The following SLC6A15 variants were observed in gnomAD, a reference collection of about 807,000 sequenced individuals.
SLC6A15 encodes the protein sodium-dependent neutral amino acid transporter B(0)AT2.
SLC6A15 carries 33 observed loss-of-function variants against 68.5 expected under a neutral mutation model. The observed-to-expected ratio is 0.48, with a 90% CI of 0.37 to 0.64. The LOEUF is 0.64. Ranked by LOEUF, SLC6A15 falls within the 30% of genes least tolerant of loss-of-function variation. The pLI is 0.00. For synonymous variants in SLC6A15, 347 were observed against 301.0 expected (o/e 1.15, Z -1.58); for missense variants, 747 against 874.3 (o/e 0.85, Z 1.84).
chr12:84,889,533 T>TAAAAATAAAAATA (rs1555181976), intron 2 of SLC6A15, among the ~76,000 whole-genome samples: 1 of 150,796 alleles, frequency 6.6e-6, no homozygotes, highest in Non-Finnish European at 1.5e-5. Flanking sequence ...AAAATAAAAA[T>TAAAAATAAAAATA]AAAAAAAACA....
chr12:84,903,690 T>C (rs1353587771), intron 1 of SLC6A15, among the ~76,000 whole-genome samples: 1 of 152,132 alleles, frequency 6.6e-6, no homozygotes, highest in African/African-American at 2.4e-5. Context: ...TACTTCCTTC[T>C]ACTTCAGTCT....
intron 1 of SLC6A15, among the ~76,000 whole-genome samples, chr12:84,900,386 C>G (rs1872807073): frequency 6.6e-6 from 1 of 151,948 alleles, no homozygotes; most frequent in Admixed American, 6.6e-5. Flanking sequence ...CTTACATAAT[C>G]ATGTCATCAG....
intron 1 of SLC6A15, among the ~76,000 whole-genome samples, chr12:84,899,556 C>T (rs1393118625): frequency 1.3e-5 from 2 of 152,088 alleles, no homozygotes; most frequent in Non-Finnish European, 2.9e-5. Context: ...CCAAGCATCC[C>T]ATTGTTTCTT....
chr12:84,884,539 C>T (rs567974901), intron 4 of SLC6A15, among the ~76,000 whole-genome samples: 3 of 152,208 alleles, frequency 2.0e-5, no homozygotes, highest in African/African-American at 7.2e-5. Flanking sequence ...CTCCTGACCT[C>T]AGGGGCTCTA....
At chr12:84,877,105 G>A (rs986894468) in intron 5 of SLC6A15, among the ~76,000 whole-genome samples, 3 of 152,004 alleles carry the variant, frequency 2.0e-5, no homozygotes, top group African/African-American at 7.3e-5. Context: ...TTTACTTTCC[G>A]CTTCAGCAAT....
intron 2 of SLC6A15, 25 bp downstream of exon 2, chr12:84,891,807 T>G (rs1310571178): frequency 1.3e-6 from 2 of 1,582,552 alleles, no homozygotes; most frequent in Non-Finnish European, 1.7e-6. Context: ...ACTACAGTAA[T>G]TTATCACTTA....
In SLC6A15 at chr12:84,885,466, C is replaced by T. The variant is rs140062203; in HGVS notation, c.543G>A (p.Gln181=). Residue 181 remains glutamine (Q), a synonymous_variant, in exon 4 of 12, where the codon CAG becomes CAA. Coordinates refer to ENST00000266682, the MANE Select transcript of SLC6A15 (RefSeq NM_182767.6). ...GTGAAGCATTTTTCACCAAAGGACA[C>T]TGATCCCAAGGCAGGGGTTGCTGAA... ...QSFQQPLPWD[Q]CPLVKNASHT... 1.9e-6 allele frequency: 3 copies of T among 1,613,420 alleles called. No individual in the cohort carries two copies. The highest frequency in any genetic ancestry group is 2.5e-6 in the Non-Finnish European group (3 of 1,179,638).
chr12:84,897,191 C>T (rs369759677), intron 1 of SLC6A15, among the ~76,000 whole-genome samples: 9 of 151,452 alleles, frequency 5.9e-5, no homozygotes, highest in South Asian at 4.2e-4. Context: ...GGAGCAAGAC[C>T]GTGTCTCAAA....
Position 84,861,580 on chromosome 12 carries a change from A to T in SLC6A15, c.*52T>A. The T allele has an allele frequency of 6.5e-7, 1 of 1,540,416 alleles. No homozygotes were observed. Reference sequence around the variant, plus strand: ...GCCTAATGCTTCTCCTACTAGGGCCAATGTTCATTGGTAAAAATGAACCAA... The same window carrying T: ...GCCTAATGCTTCTCCTACTAGGGCCTATGTTCATTGGTAAAAATGAACCAA... On this transcript the variant is annotated 3_prime_UTR_variant, in exon 12 of 12. Coordinates refer to ENST00000266682, the MANE Select transcript of SLC6A15 (RefSeq NM_182767.6).
chr12:84,884,148 AC>A (rs1871967921), intron 4 of SLC6A15, 108 bp from the exon 5 acceptor site: 1 of 848,252 alleles, frequency 1.2e-6, no homozygotes, highest in Admixed American at 2.4e-5. Flanking sequence ...CTAGAAAAGT[AC>A]TACCATTGTA....
intron 1 of SLC6A15, among the ~76,000 whole-genome samples, chr12:84,901,526 A>C (rs1048809751): frequency 4.6e-5 from 7 of 151,796 alleles, no homozygotes; most frequent in Non-Finnish European, 8.9e-5. Flanking sequence ...TATGTTCACT[A>C]AAAAATTAAC....
At position 84,888,691 on chromosome 12, in the gene SLC6A15, A is replaced by C. The variant is rs539952601; in HGVS notation, c.290-2623T>G. On this transcript the variant is annotated intron_variant, in intron 2 of 11. Coordinates refer to ENST00000266682, the MANE Select transcript of SLC6A15 (RefSeq NM_182767.6). ...ATGCTACTTGGGTGAGGGGTACATT[A>C]AAATCTCTGAATTCACCACTATATA... Among the ~76,000 whole-genome samples, 8 of 152,326 alleles carry C rather than the reference A, an allele frequency of 5.3e-5. No homozygotes were observed. In the South Asian group the frequency reaches 1.7e-3, roughly 32 times the overall value.
chr12:84,873,417 C>T lies in SLC6A15; in HGVS notation c.868-89G>A. 4 of 1,438,332 alleles carry T rather than the reference C, an allele frequency of 2.8e-6. No individual in the cohort carries two copies. The South Asian group carries it at 4.1e-5, about 15-fold the overall frequency. 89.1% of individuals were successfully genotyped at this position (1,438,332 alleles called of 1,614,324 possible). On this transcript the variant is annotated intron_variant, in intron 6 of 11. Coordinates refer to ENST00000266682, the MANE Select transcript of SLC6A15 (RefSeq NM_182767.6). ...TGGAATTTACTGTTTATGGAGTATA[C>T]AATGATATTTATGCATCCAAAGTTT...
intron 10 of SLC6A15, 93 bp from the exon 11 acceptor site, chr12:84,863,694 C>A: frequency 1.2e-6 from 1 of 856,298 alleles, no homozygotes. Context: ...CAAACATTTA[C>A]CATTGATACC....
rs74589188 is a variant in SLC6A15, at chr12:84,904,135, G to A, written c.-189+8388C>T. The stretch of plus-strand genomic sequence containing the variant: ...TCTGCTTTCCCTCTTTTGGAAGCTA[G>A]GCACCATGTAAAACGTCTGCTTCTC... On this transcript the variant is annotated intron_variant, in intron 1 of 11. Transcript: ENST00000266682. 3.0e-4 allele frequency among the ~76,000 whole-genome samples: 46 copies of A among 150,846 alleles called. No individual in the cohort carries two copies. The East Asian group carries it at 6.7e-3, about 22-fold the overall frequency.
intron 7 of SLC6A15, 135 bp from the exon 8 acceptor site, chr12:84,872,929 A>G: frequency 1.7e-6 from 2 of 1,194,096 alleles, no homozygotes; most frequent in Admixed American, 2.8e-5. Flanking sequence ...TGAGGTGATG[A>G]CTATCCCATT....
intron 1 of SLC6A15, among the ~76,000 whole-genome samples, chr12:84,906,824 A>G (rs1374598951): frequency 6.6e-6 from 1 of 152,200 alleles, no homozygotes; most frequent in Non-Finnish European, 1.5e-5. Flanking sequence ...TAAAACTTTA[A>G]GAAACAAGTC....
chr12:84,877,235 G>A (rs1420714431), intron 5 of SLC6A15, among the ~76,000 whole-genome samples: 1 of 152,080 alleles, frequency 6.6e-6, no homozygotes, highest in Non-Finnish European at 1.5e-5. Flanking sequence ...AATATTTCAG[G>A]TCCAGAGGGA....
At chr12:84,902,952 A>C (rs1465229909) in intron 1 of SLC6A15, among the ~76,000 whole-genome samples, 1 of 152,044 alleles carries the variant, frequency 6.6e-6, no homozygotes, top group Non-Finnish European at 1.5e-5. Flanking sequence ...GAAGGTATAC[A>C]TTTTATAAAA....
Sources: allele counts gnomAD v4.1 joint callset (sites outside exome capture counted in the v4.1 genomes callset), GRCh38; gene constraint gnomAD v4.1.1; transcripts MANE v1.5; gene names NCBI Gene and HGNC (gene_info 2026-07-23, HGNC 2026-07-21).